The following SGCG variants were observed in gnomAD, a reference collection of about 807,000 sequenced individuals.
SGCG encodes sarcoglycan gamma.
Under a neutral mutation model 29.3 loss-of-function variants are expected in SGCG, and 26 were observed. The observed-to-expected ratio is 0.89, with a 90% CI of 0.65 to 1.23. SGCG has a LOEUF of 1.23. Among genes scored for constraint, SGCG ranks in the 50% most tolerant of loss-of-function variants. The probability of loss-of-function intolerance (pLI) is 0.00; values close to 1 mark genes in which losing one functional copy is unlikely to be tolerated. For missense variants in SGCG, 353 were observed against 356.0 expected, an observed-to-expected ratio of 0.99 and a Z score of 0.07; for synonymous variants, 145 against 129.7, an observed-to-expected ratio of 1.12 and a Z score of -0.80.
In SGCG at chr13:23,290,245, G is replaced by C. The variant is rs1163651653; in HGVS notation, c.506-5170G>C. On this transcript the variant is annotated intron_variant, in intron 5 of 7. Transcript: ENST00000218867. ...AATCTGGGAAAACTGCCAAGTGCAT[G>C]TCATGTCAGCTATTGGGCATGTGAG... 2.6e-5 allele frequency among the ~76,000 whole-genome samples: 4 copies of C among 152,310 alleles called. No homozygotes were observed. In the East Asian group the frequency reaches 7.7e-4, roughly 29 times the overall value.
rs868495320 is a variant in SGCG at position 23,263,312 on chromosome 13, C to A, written c.385+12595C>A. Among the ~76,000 whole-genome samples the A allele has an allele frequency of 3.3e-5, 5 of 152,066 alleles. No homozygotes were observed. The South Asian group carries it at 6.2e-4, about 19-fold the overall frequency. On this transcript the variant is annotated intron_variant, in intron 4 of 7. Transcript: ENST00000218867. ...AATGGAGACAGTGCAACTGACATCA[C>A]AGAAATACTAAGGATCATTTGAGTT...
At chr13:23,238,906 G>A (rs1422588309) in intron 3 of SGCG, among the ~76,000 whole-genome samples, 1 of 152,028 alleles carries the variant, frequency 6.6e-6, no homozygotes, top group Non-Finnish European at 1.5e-5. Flanking sequence ...ACTAGAAAAA[G>A]AAAGCAACAG....
At chr13:23,268,145 C>T (rs904310352) in intron 4 of SGCG, 1 of 152,910 alleles carries the variant, frequency 6.5e-6, no homozygotes, top group Non-Finnish European at 1.5e-5. Context: ...TGGGCTTTTT[C>T]TCTTTTGTGT....
At chr13:23,286,104 T>C (rs1338377200) in intron 5 of SGCG, among the ~76,000 whole-genome samples, 2 of 152,166 alleles carry the variant, frequency 1.3e-5, no homozygotes, top group African/African-American at 4.8e-5. Flanking sequence ...TTTTGAGAAT[T>C]AGACTGAGTT....
At chr13:23,226,925 G>T (rs140024498) in intron 2 of SGCG, among the ~76,000 whole-genome samples, 1 of 152,288 alleles carries the variant, frequency 6.6e-6, no homozygotes, top group African/African-American at 2.4e-5. Context: ...TTTATATGTG[G>T]GAAGCTGTCC....
At chr13:23,165,530 T>C in the SGCG span, among the ~76,000 whole-genome samples, 1 of 151,070 alleles carries the variant, frequency 6.6e-6, no homozygotes. Context: ...AGGCAAACTT[T>C]TTTTTTTTTT....
intron 6 of SGCG, among the ~76,000 whole-genome samples, chr13:23,297,642 C>A (rs1481396637): frequency 6.6e-6 from 1 of 152,190 alleles, no homozygotes. Flanking sequence ...TTTCCTTGAC[C>A]TCATTCTGGT....
At chr13:23,292,356 T>C (rs1212324695) in intron 5 of SGCG, among the ~76,000 whole-genome samples, 2 of 152,242 alleles carry the variant, frequency 1.3e-5, no homozygotes, top group East Asian at 1.9e-4. Context: ...GTGATCTGCC[T>C]GCCTTGGCCT....
At chr13:23,260,106 C>T (rs539694405) in intron 4 of SGCG, among the ~76,000 whole-genome samples, 492 of 152,048 alleles carry the variant, frequency 3.2e-3, no homozygotes, top group Middle Eastern at 0.01. Context: ...CCTTGTTAAC[C>T]TTCTGTCTCA....
intron 1 of SGCG, among the ~76,000 whole-genome samples, chr13:23,189,895 C>T (rs1169621077): frequency 6.6e-6 from 1 of 152,164 alleles, no homozygotes; most frequent in Non-Finnish European, 1.5e-5. Context: ...CTCCTTCAGG[C>T]TCAGAGCTGC....
intron 2 of SGCG, 134 bp downstream of exon 2, chr13:23,204,023 C>A: frequency 1.4e-6 from 1 of 721,344 alleles, no homozygotes; most frequent in South Asian, 1.6e-5. Flanking sequence ...ATTTCAGGAG[C>A]AAAATATGTA....
chr13:23,249,732 A>G (rs760300803), intron 3 of SGCG, among the ~76,000 whole-genome samples: 2 of 152,232 alleles, frequency 1.3e-5, no homozygotes, highest in African/African-American at 2.4e-5. Flanking sequence ...AAGAAAACTC[A>G]GACTGTCAAA....
At chr13:23,207,141 T>C (rs966661630) in intron 2 of SGCG, among the ~76,000 whole-genome samples, 4 of 152,122 alleles carry the variant, frequency 2.6e-5, no homozygotes, top group Admixed American at 1.3e-4. Flanking sequence ...TGGAACAGAA[T>C]AGAGATCCCA....
chr13:23,300,294 C>T (rs1593098886), intron 6 of SGCG, among the ~76,000 whole-genome samples: 1 of 152,124 alleles, frequency 6.6e-6, no homozygotes, highest in South Asian at 2.1e-4. Flanking sequence ...AAGGGTAATT[C>T]CCAGGTCCCA....
At chr13:23,234,155 T>C (rs558843205) in intron 2 of SGCG, among the ~76,000 whole-genome samples, 14 of 152,292 alleles carry the variant, frequency 9.2e-5, no homozygotes, top group Non-Finnish European at 1.6e-4. Context: ...TCAATAAATA[T>C]TTACTACAGA....
chr13:23,259,507 T>C lies in SGCG; in HGVS notation c.385+8790T>C, dbSNP rs994852532. On this transcript the variant is annotated intron_variant, in intron 4 of 7. Transcript: ENST00000218867. The stretch of plus-strand genomic sequence containing the variant: ...TCAAAAAAACCAGCTCCTAGATTCA[T>C]TGATTTTTTGAAGGGTTTTTTATGT... 4.6e-5 allele frequency among the ~76,000 whole-genome samples: 7 copies of C among 152,188 alleles called. No homozygotes were observed. In the East Asian group the frequency reaches 1.2e-3, roughly 25 times the overall value.
intron 3 of SGCG, among the ~76,000 whole-genome samples, chr13:23,250,299 TGTTGTAGGTG>T: frequency 6.6e-6 from 1 of 152,324 alleles, no homozygotes; most frequent in East Asian, 1.9e-4. Flanking sequence ...AGAACCCCAC[TGTTGTAGGTG>T]TCTTTCCTTG....
At position 23,314,382 on chromosome 13, in the gene SGCG, TTA is replaced by T. The variant is rs201480793; in HGVS notation, c.579-6230_579-6229del. On this transcript the variant is annotated intron_variant, in intron 6 of 7. Coordinates refer to ENST00000218867, the MANE Select transcript of SGCG (RefSeq NM_000231.3). ...TAAATGAAATGATGTCTGCTATAGG[TTA>T]TATATATATATATATATATATATAA... Among the ~76,000 whole-genome samples, 218 of 78,598 alleles carry T rather than the reference TTA, an allele frequency of 2.8e-3. 2 individuals carry two copies. Among genetic ancestry groups the T allele is most frequent in the Admixed American group, 7.3e-3 (57 of 7,858 alleles). 51.6% of individuals were successfully genotyped at this position (78,598 alleles called of 152,430 possible).
intron 4 of SGCG, among the ~76,000 whole-genome samples, chr13:23,270,427 G>T (rs1880827713): frequency 6.6e-6 from 1 of 152,282 alleles, no homozygotes; most frequent in African/African-American, 2.4e-5. Flanking sequence ...CTGTAATGAT[G>T]AGTGTGTTTG....
Sources: allele counts gnomAD v4.1 joint callset (sites outside exome capture counted in the v4.1 genomes callset), GRCh38; gene constraint gnomAD v4.1.1; transcripts MANE v1.5; gene names NCBI Gene and HGNC (gene_info 2026-07-23, HGNC 2026-07-21).